The following CNTN6 variants were observed in gnomAD, a reference collection of about 807,000 sequenced individuals.
CNTN6 encodes the protein contactin 6, also known as contactin-6.
CNTN6 carries 137 observed loss-of-function variants against 122.8 expected under a neutral mutation model. The ratio of observed to expected loss-of-function variants is 1.12; its 90% CI spans 0.97 to 1.29. The LOEUF is 1.29. Among genes scored for constraint, CNTN6 ranks in the 50% most tolerant of loss-of-function variants. The pLI is 0.00. For synonymous variants in CNTN6, 570 were observed against 426.0 expected (o/e 1.34, Z -4.16); for missense variants, 1,634 against 1,223.4 (o/e 1.34, Z -5.01).
chr3:1,351,787 G>A (rs915666492), intron 11 of CNTN6, among the ~76,000 whole-genome samples: 3 of 151,714 alleles, frequency 2.0e-5, no homozygotes, highest in Non-Finnish European at 4.4e-5. Flanking sequence ...AATAAGCATG[G>A]CCCTCTGGCC....
intron 20 of CNTN6, among the ~76,000 whole-genome samples, chr3:1,389,666 A>T (rs2126216543): frequency 6.6e-6 from 1 of 151,974 alleles, no homozygotes; most frequent in Admixed American, 6.6e-5. Context: ...TATTCAGGAA[A>T]CCCATCTCAC....
intron 4 of CNTN6, among the ~76,000 whole-genome samples, chr3:1,254,480 A>G (rs773998051): frequency 1.3e-5 from 2 of 152,200 alleles, no homozygotes; most frequent in East Asian, 1.9e-4. Flanking sequence ...TTCAGGAACA[A>G]TACACTATAA....
chr3:1,195,073 G>A (rs1021097057), intron 2 of CNTN6, among the ~76,000 whole-genome samples: 11 of 152,052 alleles, frequency 7.2e-5, no homozygotes, highest in African/African-American at 1.9e-4. Flanking sequence ...TCCACGCCAG[G>A]TTCAGCTTGT....
intron 4 of CNTN6, among the ~76,000 whole-genome samples, chr3:1,264,729 C>T (rs2094899913): frequency 6.6e-6 from 1 of 151,926 alleles, no homozygotes; most frequent in Non-Finnish European, 1.5e-5. Flanking sequence ...TTAAAATCTA[C>T]TCTTCTAGAA....
chr3:1,372,461 A>G lies in CNTN6; in HGVS notation c.1655A>G (p.Glu552Gly). 6.2e-7 allele frequency: 1 copy of G among 1,610,612 alleles called. No individual in the cohort carries two copies. The highest frequency in any genetic ancestry group is 8.5e-7 in the Non-Finnish European group (1 of 1,178,668). Residue 552 changes from glutamate (E) to glycine (G), a missense_variant, in exon 13 of 23, where the codon GAA (glutamate) becomes GGA (glycine). Coordinates refer to ENST00000446702, the MANE Select transcript of CNTN6 (RefSeq NM_001289080.2). ...IDLKKGVAHFERIGGESVGDL... is the reference protein window; with the variant it reads ...IDLKKGVAHFGRIGGESVGDL... ...TTAAAAAAAGGAGTGGCTCATTTTG[A>G]AAGGATTGGAGGAGTAAGTTACTGA... is the stretch of plus-strand genomic sequence containing the variant.
chr3:1,195,500 C>T (rs1237355178), intron 2 of CNTN6, among the ~76,000 whole-genome samples: 1 of 152,098 alleles, frequency 6.6e-6, no homozygotes, highest in African/African-American at 2.4e-5. Context: ...TGTAAATTCC[C>T]CCTGTTCCTT....
chr3:1,160,207 A>C (rs1039321834), intron 2 of CNTN6, among the ~76,000 whole-genome samples: 1 of 151,948 alleles, frequency 6.6e-6, no homozygotes, highest in African/African-American at 2.4e-5. Flanking sequence ...GAATTTTCAT[A>C]AATTCAACCT....
chr3:1,358,458 A>ATT (rs34913678), intron 12 of CNTN6, among the ~76,000 whole-genome samples: 1 of 144,798 alleles, frequency 6.9e-6, no homozygotes, highest in Admixed American at 7.0e-5. Context: ...CTCTAGGGCC[A>ATT]TTTTTTTTTT....
At chr3:1,150,380 G>C (rs987510601) in intron 2 of CNTN6, among the ~76,000 whole-genome samples, 4 of 152,062 alleles carry the variant, frequency 2.6e-5, no homozygotes, top group East Asian at 1.9e-4. Context: ...TTTTCTAACA[G>C]GTTGATACTT....
chr3:1,310,070 A>G (rs1473649905), intron 7 of CNTN6, among the ~76,000 whole-genome samples: 2 of 151,502 alleles, frequency 1.3e-5, no homozygotes, highest in Non-Finnish European at 1.5e-5. Context: ...GCCTGGGAAC[A>G]AGTATTATTT....
At chr3:1,289,753 C>G (rs1290065095) in intron 5 of CNTN6, among the ~76,000 whole-genome samples, 1 of 150,146 alleles carries the variant, frequency 6.7e-6, no homozygotes, top group Non-Finnish European at 1.5e-5. Context: ...CAGCTCACTG[C>G]AAACTCCAAC....
At chr3:1,277,940 T>C (rs1243832843) in intron 4 of CNTN6, among the ~76,000 whole-genome samples, 1 of 152,034 alleles carries the variant, frequency 6.6e-6, no homozygotes, top group Non-Finnish European at 1.5e-5. Flanking sequence ...AAAATACACT[T>C]TTTGTCTCAT....
At chr3:1,228,031 AAATAT>A in intron 4 of CNTN6, 38 bp downstream of exon 4, 1 of 1,581,440 alleles carries the variant, frequency 6.3e-7, no homozygotes, top group East Asian at 2.2e-5. Flanking sequence ...TTGTCTCTGA[AAATAT>A]AATATTCTTC....
At chr3:1,382,105 T>TAAA (rs5846113) in intron 17 of CNTN6, among the ~76,000 whole-genome samples, 1 of 145,304 alleles carries the variant, frequency 6.9e-6, no homozygotes, top group African/African-American at 2.5e-5. Context: ...GAATATTTAT[T>TAAA]AAAAAAAAAA....
intron 7 of CNTN6, among the ~76,000 whole-genome samples, chr3:1,307,743 GT>G (rs879641863): frequency 1.3e-5 from 2 of 152,078 alleles, no homozygotes; most frequent in Non-Finnish European, 2.9e-5. Context: ...GTGGTGGTCA[GT>G]TTATTGTAGG....
chr3:1,203,209 CACAGTT>C (rs1430611436), intron 2 of CNTN6, among the ~76,000 whole-genome samples: 9 of 152,228 alleles, frequency 5.9e-5, no homozygotes, highest in Admixed American at 3.9e-4. Context: ...AAAAATGTCT[CACAGTT>C]ACAGACACAG....
At chr3:1,354,722 T>C (rs1384811689) in intron 12 of CNTN6, among the ~76,000 whole-genome samples, 1 of 151,592 alleles carries the variant, frequency 6.6e-6, no homozygotes, top group Non-Finnish European at 1.5e-5. Flanking sequence ...GCTTAGTTCA[T>C]AGGGATATTT....
intron 12 of CNTN6, among the ~76,000 whole-genome samples, chr3:1,369,903 G>T (rs759144224): frequency 2.0e-5 from 3 of 149,786 alleles, no homozygotes; most frequent in Non-Finnish European, 4.4e-5. Flanking sequence ...AAGTTTTTTA[G>T]GTCATACATT....
At chr3:1,243,736 A>G (rs1447148287) in intron 4 of CNTN6, among the ~76,000 whole-genome samples, 1 of 152,138 alleles carries the variant, frequency 6.6e-6, no homozygotes, top group East Asian at 1.9e-4. Context: ...GCAGGTGGGG[A>G]AGAGCTAGTC....
Sources: allele counts gnomAD v4.1 joint callset (sites outside exome capture counted in the v4.1 genomes callset), GRCh38; gene constraint gnomAD v4.1.1; transcripts MANE v1.5; gene names NCBI Gene and HGNC (gene_info 2026-07-23, HGNC 2026-07-21).